RFX6: variants seen among roughly 807,000 people sequenced by gnomAD.
RFX6 encodes the protein regulatory factor X6.
Under a neutral mutation model 110.8 loss-of-function variants are expected in RFX6, and 50 were observed. That is an observed-to-expected ratio of 0.45 (90% CI 0.36 to 0.57). The LOEUF (loss-of-function observed/expected upper bound fraction) is 0.57, where lower values mean the gene tolerates loss of function less well. Among genes scored for constraint, RFX6 ranks in the 20% least tolerant of loss-of-function variants. The pLI, the probability that RFX6 is intolerant of heterozygous loss-of-function variation, is 0.00. For synonymous variants in RFX6, 383 were observed against 411.2 expected (o/e 0.93, Z 0.83); for missense variants, 990 against 1,127.0 (o/e 0.88, Z 1.74).
chr6:116,931,007 G>C (rs1775872119), intron 18 of RFX6, among the ~76,000 whole-genome samples: 1 of 152,160 alleles, frequency 6.6e-6, no homozygotes, highest in Non-Finnish European at 1.5e-5. Flanking sequence ...TGGTCCAGGA[G>C]AGAAAAGATG....
chr6:116,904,810 C>T (rs1294686081), intron 6 of RFX6, among the ~76,000 whole-genome samples: 1 of 152,162 alleles, frequency 6.6e-6, no homozygotes, highest in Admixed American at 6.6e-5. Context: ...CCATAATGTC[C>T]TCAAGGTTCA....
intron 5 of RFX6, among the ~76,000 whole-genome samples, chr6:116,894,813 T>C (rs567662292): frequency 1.3e-5 from 2 of 152,144 alleles, no homozygotes; most frequent in Admixed American, 1.3e-4. Context: ...AAAAGTTTAG[T>C]CACTGAGTCA....
At position 116,877,962 on chromosome 6, in the gene RFX6, G is replaced by A; in HGVS notation, c.380+10G>A. ...AGCTCACGCTGCAGTGGTGAGACTCGCCCGCAGGGTACACTGAAGCACCTG... is the reference window on the plus strand; with the variant it reads ...AGCTCACGCTGCAGTGGTGAGACTCACCCGCAGGGTACACTGAAGCACCTG... On this transcript the variant is annotated intron_variant, in intron 2 of 18. Transcript: ENST00000332958. The A allele has an allele frequency of 1.2e-6, 2 of 1,613,358 alleles. No individual in the cohort carries two copies. Among genetic ancestry groups the A allele is most frequent in the South Asian group, 1.1e-5 (1 of 91,044 alleles).
At chr6:116,929,334 A>C (rs1303188492) in intron 18 of RFX6, among the ~76,000 whole-genome samples, 1 of 152,122 alleles carries the variant, frequency 6.6e-6, no homozygotes, top group Non-Finnish European at 1.5e-5. Context: ...TTAGTGTTGG[A>C]CCCAGTTGTA....
At chr6:116,882,230 T>C in intron 3 of RFX6, 137 bp from the exon 4 acceptor site, 1 of 707,756 alleles carries the variant, frequency 1.4e-6, no homozygotes, top group Non-Finnish European at 2.6e-6. Flanking sequence ...GTGTAAGTTA[T>C]TACTTTTTCC....
At chr6:116,920,225 G>T (rs1775562755) in intron 11 of RFX6, 85 bp from the exon 12 acceptor site, 4 of 1,023,820 alleles carry the variant, frequency 3.9e-6, no homozygotes, top group Non-Finnish European at 6.2e-6. Flanking sequence ...TTATCTCAAG[G>T]AACTATTTTT....
chr6:116,916,993 C>A (rs1272993374), intron 9 of RFX6, among the ~76,000 whole-genome samples: 1 of 152,064 alleles, frequency 6.6e-6, no homozygotes, highest in East Asian at 1.9e-4. Flanking sequence ...TAAGGAAAAA[C>A]AAAAGCTTTC....
At chr6:116,887,368 T>C (rs1257751874) in intron 4 of RFX6, among the ~76,000 whole-genome samples, 1 of 152,198 alleles carries the variant, frequency 6.6e-6, no homozygotes, top group Non-Finnish European at 1.5e-5. Flanking sequence ...CTCAGCTCTC[T>C]ATCCAGTTCC....
At chr6:116,903,171 A>G (rs1337060131) in intron 6 of RFX6, among the ~76,000 whole-genome samples, 1 of 152,056 alleles carries the variant, frequency 6.6e-6, no homozygotes, top group African/African-American at 2.4e-5. Context: ...TTTGTGTTAC[A>G]CTTACTGGAT....
At chr6:116,888,749 A>G (rs536330475) in intron 4 of RFX6, among the ~76,000 whole-genome samples, 1 of 152,258 alleles carries the variant, frequency 6.6e-6, no homozygotes, top group East Asian at 1.9e-4. Flanking sequence ...TCTTCTTGTT[A>G]TATTACAGTA....
rs1325817825 is a variant in RFX6, at chr6:116,894,038, CG to C, written c.619del (p.Val207PhefsTer7). 1.3e-6 allele frequency: 2 copies of C among 1,599,828 alleles called. No individual in the cohort carries two copies. Among genetic ancestry groups the C allele is most frequent in the Non-Finnish European group, 1.7e-6 (2 of 1,167,320 alleles). ...AAGAGAGCAGTGCATATTACCACTC[CG>C]TTTATTCTGGAAAGGGCTTGACAAG... ...IKESSAYYHS[V>X]YSGKGLTRFS... On this transcript the variant is annotated frameshift_variant, in exon 5 of 19. Coordinates refer to ENST00000332958, the MANE Select transcript of RFX6 (RefSeq NM_173560.4). LOFTEE classifies it high-confidence loss of function.
intron 14 of RFX6, 29 bp from the exon 15 acceptor site, chr6:116,924,639 TC>T: frequency 1.3e-6 from 2 of 1,597,306 alleles, no homozygotes; most frequent in Non-Finnish European, 1.7e-6. Context: ...TTTCACACTG[TC>T]CTCTCCTCAT....
chr6:116,878,019 C>A, intron 2 of RFX6, 67 bp downstream of exon 2: 3 of 1,473,162 alleles, frequency 2.0e-6, no homozygotes, highest in Non-Finnish European at 2.8e-6. Context: ...TCTTCAGGAT[C>A]TTTGATTTTC....
intron 4 of RFX6, among the ~76,000 whole-genome samples, chr6:116,883,128 T>A (rs924666328): frequency 1.3e-5 from 2 of 152,138 alleles, no homozygotes; most frequent in Non-Finnish European, 2.9e-5. Context: ...CCTTCATGAT[T>A]GCTCTAGTAT....
At chr6:116,894,499 A>G (rs1009351781) in intron 5 of RFX6, among the ~76,000 whole-genome samples, 1 of 152,142 alleles carries the variant, frequency 6.6e-6, no homozygotes, top group Non-Finnish European at 1.5e-5. Context: ...AATCACATAT[A>G]CTTTGACCAT....
rs1215346800 is a variant in RFX6 at position 116,882,284 on chromosome 6, C to A, written c.505-83C>A. 3.1e-6 allele frequency: 3 copies of A among 963,292 alleles called. No individual in the cohort carries two copies. The Admixed American group carries it at 5.2e-5, about 17-fold the overall frequency. The allele number at this position is 963,292 out of a possible 1,614,324, so 59.7% of individuals were successfully genotyped here. On this transcript the variant is annotated intron_variant, in intron 3 of 18. Coordinates refer to ENST00000332958, the MANE Select transcript of RFX6 (RefSeq NM_173560.4). ...CAGTTCATTCAGAGTTCAACATTTA[C>A]TTTCCCCAAGTAATTGGCTATGAGT... is the stretch of plus-strand genomic sequence containing the variant.
At chr6:116,920,058 A>G (rs1775558480) in intron 11 of RFX6, among the ~76,000 whole-genome samples, 1 of 152,182 alleles carries the variant, frequency 6.6e-6, no homozygotes, top group Admixed American at 6.5e-5. Context: ...GGTTTGTTAC[A>G]TATGTATACA....
Position 116,877,872 on chromosome 6 carries a change from G to A in RFX6, c.300G>A (p.Ala100=). The A allele has an allele frequency of 3.7e-6, 6 of 1,614,094 alleles. No individual in the cohort carries two copies. Among genetic ancestry groups the A allele is most frequent in the Middle Eastern group, 3.3e-4 (2 of 6,062 alleles). ...ACCACGACAGCAAAACCAAAGCAGC[G>A]GATCAATACCTGTCTCAGAAGAAAA... ...ADNHDSKTKA[A]DQYLSQKKTI... Residue 100 remains alanine (A), a synonymous_variant, in exon 2 of 19, where the codon GCG becomes GCA. Coordinates refer to ENST00000332958, the MANE Select transcript of RFX6 (RefSeq NM_173560.4).
intron 3 of RFX6, 55 bp from the exon 4 acceptor site, chr6:116,882,312 C>T: frequency 7.7e-7 from 1 of 1,299,510 alleles, no homozygotes; most frequent in Non-Finnish European, 1.1e-6. Flanking sequence ...CTATGAGTGG[C>T]TTGCATTAGG....
Sources: gnomAD v4.1 joint callset for allele counts (sites outside exome capture counted in the v4.1 genomes callset) on GRCh38, gnomAD v4.1.1 for gene constraint, MANE v1.5 for transcripts, NCBI Gene and HGNC (gene_info 2026-07-23, HGNC 2026-07-21) for gene names.